MAVS: variants seen among roughly 807,000 people sequenced by gnomAD.
MAVS encodes the protein mitochondrial antiviral-signaling protein.
A neutral mutation model predicts 30.2 loss-of-function variants in MAVS; 20 were observed. The ratio of observed to expected loss-of-function variants is 0.66; its 90% CI spans 0.47 to 0.96. The LOEUF (loss-of-function observed/expected upper bound fraction) is 0.96, where lower values mean the gene tolerates loss of function less well. Ranked by LOEUF, MAVS falls within the 40% of genes least tolerant of loss-of-function variation. The pLI is 0.00. For synonymous variants in MAVS, 278 were observed against 293.9 expected (o/e 0.95, Z 0.55); for missense variants, 624 against 701.1 (o/e 0.89, Z 1.24).
In MAVS at chr20:3,865,977, C is replaced by T. The variant is rs769632733; in HGVS notation, c.1453C>T (p.Pro485Ser). The change falls in exon 7 of 7, where the codon CCA becomes TCA. Residue 485 changes from proline (P) to serine (S), a missense_variant. Physicochemically the swap from Pro to Ser is moderately conservative, Grantham distance 74. Coordinates refer to ENST00000428216, the MANE Select transcript of MAVS (RefSeq NM_020746.5). The surrounding 1 kb of genome is among the most constrained non-coding windows in gnomAD (Gnocchi z 4.7). The stretch of plus-strand genomic sequence containing the variant: ...CCAGCTCCTGGAGGGCAACCCTGGG[C>T]CACCTGCGGACCCGGATGGCGGCCC... ...SIQLLEGNPGPPADPDGGPRP... is the reference protein window; with the variant it reads ...SIQLLEGNPGSPADPDGGPRP... 6.8e-6 allele frequency: 11 copies of T among 1,613,264 alleles called. No individual in the cohort carries two copies. The highest frequency in any genetic ancestry group is 8.5e-6 in the Non-Finnish European group (10 of 1,180,018).
chr20:3,862,364 C>T lies in MAVS; in HGVS notation c.576C>T (p.Ser192=), dbSNP rs1490850184. ...TGGCAGCCCTCAGCCCTCTGACCTC[C>T]AGCGGGCATCAGGAGCAGGACACAG... is the stretch of plus-strand genomic sequence containing the variant. The part of the protein sequence containing the change: ...SDLAALSPLT[S]SGHQEQDTEL... Residue 192 remains serine, a synonymous_variant, in exon 5 of 7, where the codon TCC becomes TCT. Transcript: ENST00000428216. 2.3e-5 allele frequency: 37 copies of T among 1,614,008 alleles called. 1 individual carries two copies. The highest frequency in any genetic ancestry group is 3.1e-5 in the Non-Finnish European group (37 of 1,180,026).
intron 2 of MAVS, among the ~76,000 whole-genome samples, chr20:3,856,912 T>C (rs1051925117): frequency 2.0e-5 from 3 of 151,808 alleles, no homozygotes; most frequent in Admixed American, 2.0e-4. Context: ...GGTGGGCTCC[T>C]GTAATCCCAG....
In MAVS at chr20:3,848,825, A is replaced by G. The variant is rs552181465; in HGVS notation, c.-68+1922A>G. Among the ~76,000 whole-genome samples, 4 of 152,228 alleles carry G rather than the reference A, an allele frequency of 2.6e-5. No homozygotes were observed. The East Asian group carries it at 7.7e-4, about 29-fold the overall frequency. ...CTCCCCTGGCTTCTCTGGCCTGGTA[A>G]AAGGGCACCTTCCATCCACCCAGTG... On this transcript the variant is annotated intron_variant, in intron 1 of 6. Coordinates refer to ENST00000428216, the MANE Select transcript of MAVS (RefSeq NM_020746.5).
intron 3 of MAVS, among the ~76,000 whole-genome samples, chr20:3,860,263 A>C (rs1391977605): frequency 7.3e-6 from 1 of 137,806 alleles, no homozygotes; most frequent in Admixed American, 7.2e-5. Flanking sequence ...AGTCTTGCTC[A>C]GTCGCCCAGG....
At position 3,859,520 on chromosome 20, in the gene MAVS, A is replaced by AAAAC. The variant is rs76308650; in HGVS notation, c.292+1711_292+1712insAAAC. On this transcript the variant is annotated intron_variant, in intron 3 of 6. Coordinates refer to ENST00000428216, the MANE Select transcript of MAVS (RefSeq NM_020746.5). ...GAGACTCCGTCTCCAAAAAAAAAAA[A>AAAAC]CCCAAAAATAGTGATCCCCTGAATA... Among the ~76,000 whole-genome samples, 184 of 141,636 alleles carry AAAAC rather than the reference A, an allele frequency of 1.3e-3. 1 individual carries two copies. The highest frequency in any genetic ancestry group is 1.3e-3 in the Admixed American group (19 of 14,156). The allele number at this position is 141,636 out of a possible 152,430, so 92.9% of individuals were successfully genotyped here. A position where few individuals can be genotyped will look rare whatever the true frequency, so the allele number is the denominator to read the frequency against.
At chr20:3,849,015 C>T (rs1288460386) in intron 1 of MAVS, among the ~76,000 whole-genome samples, 2 of 152,234 alleles carry the variant, frequency 1.3e-5, no homozygotes, top group African/African-American at 4.8e-5. Flanking sequence ...CCTGGCCCCT[C>T]CAAAGTCCTC....
In MAVS at chr20:3,854,435, A is replaced by G. The variant is rs2146760950; in HGVS notation, c.-67-123A>G. On this transcript the variant is annotated intron_variant, in intron 1 of 6. Transcript: ENST00000428216. The stretch of plus-strand genomic sequence containing the variant: ...GTGAGACTCGCTCTCAAAAAAAAAA[A>G]AAAGAAGAAATTAAAGATGAAAGAA... 2 of 380,474 alleles carry G rather than the reference A, an allele frequency of 5.3e-6. 1 individual carries two copies. Among genetic ancestry groups the G allele is most frequent in the African/African-American group, 4.3e-5 (2 of 46,076 alleles). The allele number at this position is 380,474 out of a possible 1,614,324, so 23.6% of individuals were successfully genotyped here. A position where few individuals can be genotyped will look rare whatever the true frequency, so the allele number is the denominator to read the frequency against.
In MAVS at chr20:3,864,564, G is replaced by A; in HGVS notation, c.934G>A (p.Val312Met). 6.2e-7 allele frequency: 1 copy of A among 1,614,082 alleles called. No homozygotes were observed. Among genetic ancestry groups the A allele is most frequent in the Non-Finnish European group, 8.5e-7 (1 of 1,180,010 alleles). The change falls in exon 6 of 7, where the codon GTG becomes ATG. Residue 312 changes from valine (V) to methionine (M), a missense_variant. Transcript: ENST00000428216. ...GCCTGTGAACACAGTGGCCCTGAAA[G>A]TGCCTGCCAACCCAGCATCTGTCAG... ...LMPVNTVALK[V>M]PANPASVSTV...
At chr20:3,862,110 A>G in intron 4 of MAVS, 144 bp from the exon 5 acceptor site, 1 of 863,356 alleles carries the variant, frequency 1.2e-6, no homozygotes, top group South Asian at 1.8e-5. Flanking sequence ...TCTGGGAATT[A>G]CCAGAACCCA....
In MAVS at chr20:3,854,720, C is replaced by T. The variant is rs748731938; in HGVS notation, c.96C>T (p.Pro32=). 1.2e-6 allele frequency: 2 copies of T among 1,613,566 alleles called. No individual in the cohort carries two copies. The highest frequency in any genetic ancestry group is 1.7e-6 in the Non-Finnish European group (2 of 1,179,686). The part of the protein sequence containing the change: ...VDVVEILPYL[P]CLTARDQDRL... ...TTGTAGAGATTCTGCCTTACCTGCC[C>T]TGCCTCACAGCAAGAGACCAGGTGA... The change falls in exon 2 of 7, where the codon CCC becomes CCT. Residue 32 remains proline (P), a synonymous_variant. Transcript: ENST00000428216.
intron 1 of MAVS, among the ~76,000 whole-genome samples, chr20:3,850,660 G>A (rs2089752175): frequency 1.3e-5 from 2 of 151,768 alleles, no homozygotes; most frequent in Non-Finnish European, 2.9e-5. Context: ...GCCGAGGCAG[G>A]CGGATCACGA....
chr20:3,860,557 TAG>T (rs1432845990), intron 3 of MAVS, among the ~76,000 whole-genome samples: 1 of 151,852 alleles, frequency 6.6e-6, no homozygotes, highest in Admixed American at 6.6e-5. Flanking sequence ...TTATTTTTAG[TAG>T]AGACAGGGTT....
At chr20:3,848,399 G>A (rs957870369) in intron 1 of MAVS, among the ~76,000 whole-genome samples, 3 of 152,218 alleles carry the variant, frequency 2.0e-5, no homozygotes, top group South Asian at 2.1e-4. Context: ...GCGCCCGGCC[G>A]AGAAAGGGAT....
intron 2 of MAVS, among the ~76,000 whole-genome samples, chr20:3,857,140 C>A (rs572102685): frequency 6.6e-6 from 1 of 152,070 alleles, no homozygotes; most frequent in East Asian, 1.9e-4. Flanking sequence ...TCGGCCCCCT[C>A]TCTTTCCGTC....
At position 3,875,458 on chromosome 20, in the gene MAVS, T is replaced by C. The variant is rs1356520537; in HGVS notation, c.*9311T>C. 1 of 126,844 alleles carries C rather than the reference T, an allele frequency of 7.9e-6. No homozygotes were observed. Among genetic ancestry groups the C allele is most frequent in the Non-Finnish European group, 1.6e-5 (1 of 61,578 alleles). The allele number at this position is 126,844 out of a possible 1,614,324, so 7.9% of individuals were successfully genotyped here. On this transcript the variant is annotated 3_prime_UTR_variant, in exon 7 of 7. Transcript: ENST00000428216. Reference sequence around the variant, plus strand: ...CCCTGAATATCTTCCTTCTACTTCTTCAGTGCTGTTTTTATTTAAAAAAAA... The same window carrying C: ...CCCTGAATATCTTCCTTCTACTTCTCCAGTGCTGTTTTTATTTAAAAAAAA...
At position 3,865,981 on chromosome 20, in the gene MAVS, C is replaced by T; in HGVS notation, c.1457C>T (p.Pro486Leu). ...CTCCTGGAGGGCAACCCTGGGCCAC[C>T]TGCGGACCCGGATGGCGGCCCCAGG... Reference protein sequence around the residue: ...IQLLEGNPGPPADPDGGPRPQ... With the variant: ...IQLLEGNPGPLADPDGGPRPQ... Residue 486 changes from proline (P) to leucine (L), a missense_variant, in exon 7 of 7, where the codon CCT (proline) becomes CTT (leucine). Transcript: ENST00000428216. The surrounding 1 kb of genome is among the most constrained non-coding windows in gnomAD (Gnocchi z 4.7). 5 of 1,613,336 alleles carry T rather than the reference C, an allele frequency of 3.1e-6. 1 individual carries two copies. The South Asian group carries it at 5.5e-5, about 18-fold the overall frequency.
rs531495181 is a variant in MAVS at position 3,858,007 on chromosome 20, T to C, written c.292+198T>C. Reference sequence around the variant, plus strand: ...CTTTGGCCAAGTCCCTTAATTTCCCTGAGCCTCAGGCCTCTCTTCTGTAAA... The same window carrying C: ...CTTTGGCCAAGTCCCTTAATTTCCCCGAGCCTCAGGCCTCTCTTCTGTAAA... On this transcript the variant is annotated intron_variant, in intron 3 of 6. Coordinates refer to ENST00000428216, the MANE Select transcript of MAVS (RefSeq NM_020746.5). 2.7e-5 allele frequency: 17 copies of C among 636,674 alleles called. No individual in the cohort carries two copies. In the East Asian group the frequency reaches 4.0e-4, roughly 15 times the overall value. The allele number at this position is 636,674 out of a possible 1,614,324, so 39.4% of individuals were successfully genotyped here. A position where few individuals can be genotyped will look rare whatever the true frequency, so the allele number is the denominator to read the frequency against.
rs1600460810 is a variant in MAVS at position 3,871,900 on chromosome 20, A to G, written c.*5753A>G. ...AATAATAAGGGTTACAACTTACTCC[A>G]TACCTTACTGTCTGCCAGGCATTAA... is the stretch of plus-strand genomic sequence containing the variant. On this transcript the variant is annotated 3_prime_UTR_variant, in exon 7 of 7. Coordinates refer to ENST00000428216, the MANE Select transcript of MAVS (RefSeq NM_020746.5). 1.3e-5 allele frequency: 2 copies of G among 152,346 alleles called. No homozygotes were observed. The highest frequency in any genetic ancestry group is 4.1e-4 in the South Asian group (2 of 4,828). 9.4% of individuals were successfully genotyped at this position (152,346 alleles called of 1,614,324 possible). A position where few individuals can be genotyped will look rare whatever the true frequency, so the allele number is the denominator to read the frequency against.
chr20:3,871,652 C>A lies in MAVS; in HGVS notation c.*5505C>A, dbSNP rs573987859. On this transcript the variant is annotated 3_prime_UTR_variant, in exon 7 of 7. Transcript: ENST00000428216. ...ATGGAGTCCTTCAGGCCTTGAGTCCCACATTTTCCATGATGCTCCATTAAG... is the reference window on the plus strand; with the variant it reads ...ATGGAGTCCTTCAGGCCTTGAGTCCAACATTTTCCATGATGCTCCATTAAG... 6.6e-6 allele frequency: 1 copy of A among 152,470 alleles called. No individual in the cohort carries two copies. The highest frequency in any genetic ancestry group is 2.1e-4 in the South Asian group (1 of 4,824). 9.4% of individuals were successfully genotyped at this position (152,470 alleles called of 1,614,324 possible). A position where few individuals can be genotyped will look rare whatever the true frequency, so the allele number is the denominator to read the frequency against.
Sources: allele counts gnomAD v4.1 joint callset (sites outside exome capture counted in the v4.1 genomes callset), GRCh38; gene constraint gnomAD v4.1.1; non-coding constraint Gnocchi (gnomAD v3.1); transcripts MANE v1.5; gene names NCBI Gene and HGNC (gene_info 2026-07-23, HGNC 2026-07-21).